Variants in LUC7L2 observed in about 807,000 individuals in gnomAD.
The protein encoded by LUC7L2 is putative RNA-binding protein Luc7-like 2.
LUC7L2 carries 25 observed loss-of-function variants against 52.8 expected under a neutral mutation model. The observed-to-expected ratio is 0.47, with a 90% CI of 0.34 to 0.66. The LOEUF (loss-of-function observed/expected upper bound fraction) is 0.66. LUC7L2 is among the 30% of genes least tolerant of loss of function. The probability of loss-of-function intolerance (pLI) is 0.01; values close to 1 mark genes in which losing one functional copy is unlikely to be tolerated. For missense variants in LUC7L2, 328 were observed against 497.8 expected (o/e 0.66, Z 3.25); for synonymous variants, 144 against 160.9 (o/e 0.89, Z 0.80).
At chr7:139,389,083 G>A (rs985997488) in intron 2 of LUC7L2, among the ~76,000 whole-genome samples, 1 of 149,152 alleles carries the variant, frequency 6.7e-6, no homozygotes, top group African/African-American at 2.5e-5. Flanking sequence ...CGGCACTCTG[G>A]TTTACCTCTG....
intron 1 of LUC7L2, among the ~76,000 whole-genome samples, chr7:139,370,302 C>G (rs1800379388): frequency 6.6e-6 from 1 of 152,004 alleles, no homozygotes; most frequent in African/African-American, 2.4e-5. Flanking sequence ...AAGCTGAATT[C>G]TAAAGGAACA....
At chr7:139,372,662 G>T (rs181757287) in intron 1 of LUC7L2, among the ~76,000 whole-genome samples, 1 of 152,002 alleles carries the variant, frequency 6.6e-6, no homozygotes, top group East Asian at 1.9e-4. Flanking sequence ...ATCCTCGGCC[G>T]GGTGCAGTGG....
intron 1 of LUC7L2, among the ~76,000 whole-genome samples, chr7:139,349,160 AAACC>A (rs1799368763): frequency 6.6e-6 from 1 of 152,260 alleles, no homozygotes; most frequent in South Asian, 2.1e-4. Context: ...TCTCGGAAAC[AAACC>A]AACAAGCAAA....
At chr7:139,341,364 C>T (rs746030576) in intron 1 of LUC7L2, 2 of 1,596,096 alleles carry the variant, frequency 1.3e-6, no homozygotes, top group South Asian at 1.1e-5. Flanking sequence ...TTGGGCACCA[C>T]GCTCGGAGAA....
intron 2 of LUC7L2, among the ~76,000 whole-genome samples, chr7:139,377,508 C>G (rs2131218492): frequency 6.6e-6 from 1 of 152,308 alleles, no homozygotes; most frequent in Non-Finnish European, 1.5e-5. Flanking sequence ...ATTCTCCTGC[C>G]TCAGCCTCCC....
Position 139,344,869 on chromosome 7 carries a change from AT to A in LUC7L2, c.-26+4369del, listed in dbSNP as rs11421635. The A allele has an allele frequency of 6.5e-3, 865 of 132,634 alleles. 1 individual carries two copies. The highest frequency in any genetic ancestry group is 8.9e-3 in the Non-Finnish European group (553 of 62,244). The allele number at this position is 132,634 out of a possible 1,614,324, so 8.2% of individuals were successfully genotyped here. ...AGGCACCCGCCACCACACCCGGCTA[AT>A]TTTTTTTTTTTTTTTTGGATTTTTA... On this transcript the variant is annotated intron_variant, in intron 1 of 10. Transcript: ENST00000541170.
At chr7:139,395,328 T>G (rs1316501367) in intron 2 of LUC7L2, among the ~76,000 whole-genome samples, 1 of 152,234 alleles carries the variant, frequency 6.6e-6, no homozygotes, top group Admixed American at 6.5e-5. Flanking sequence ...AATTGTTTAA[T>G]GAGCACCTTT....
intron 8 of LUC7L2, 111 bp downstream of exon 8, chr7:139,412,691 G>A (rs1348310075): frequency 2.3e-5 from 29 of 1,261,130 alleles, no homozygotes; most frequent in African/African-American, 3.1e-5. Flanking sequence ...GGCTGGGCAC[G>A]GTGATGCATG....
Position 139,386,554 on chromosome 7 carries a change from G to A in LUC7L2, c.156+10398G>A, listed in dbSNP as rs907603940. On this transcript the variant is annotated intron_variant, in intron 2 of 9. Transcript: ENST00000354926. ...CTAGTAGCTGGGACTACAGGCGCCT[G>A]CCACCACACCTGGCTAATTTTTTTT... Among the ~76,000 whole-genome samples, 18 of 151,356 alleles carry A rather than the reference G, an allele frequency of 1.2e-4. No individual in the cohort carries two copies. In the East Asian group the frequency reaches 3.3e-3, roughly 28 times the overall value.
At chr7:139,368,442 A>G (rs980829180) in intron 1 of LUC7L2, among the ~76,000 whole-genome samples, 1 of 152,250 alleles carries the variant, frequency 6.6e-6, no homozygotes, top group African/African-American at 2.4e-5. Flanking sequence ...TCAAATTTTA[A>G]AAAATGGATA....
intron 6 of LUC7L2, among the ~76,000 whole-genome samples, chr7:139,409,118 C>G (rs936990443): frequency 2.0e-5 from 3 of 151,712 alleles, no homozygotes; most frequent in Non-Finnish European, 4.4e-5. Flanking sequence ...GTCTGGGCAA[C>G]AGAGTAAGAC....
intron 1 of LUC7L2, among the ~76,000 whole-genome samples, chr7:139,350,732 G>A (rs1304818154): frequency 2.6e-5 from 4 of 151,026 alleles, no homozygotes; most frequent in African/African-American, 7.3e-5. Context: ...CTGGAGTGCA[G>A]TGGTGCGATC....
rs539771697 is a variant in LUC7L2 at position 139,379,549 on chromosome 7, CTTTTTTTTTTTTTTTTTTTTTT to C, written c.156+3410_156+3431del. The stretch of plus-strand genomic sequence containing the variant: ...TTTCATTATTCTAGTATAACTAATG[CTTTTTTTTTTTTTTTTTTTTTT>C]TTTTTTTTTTTTTTTTGAGACAGAT... On this transcript the variant is annotated intron_variant, in intron 2 of 9. Transcript: ENST00000354926. Among the ~76,000 whole-genome samples, 16 of 52,716 alleles carry C rather than the reference CTTTTTTTTTTTTTTTTTTTTTT, an allele frequency of 3.0e-4. No individual in the cohort carries two copies. In the East Asian group the frequency reaches 5.3e-3, roughly 17 times the overall value. The allele number at this position is 52,716 out of a possible 152,430, so 34.6% of individuals were successfully genotyped here.
intron 5 of LUC7L2, among the ~76,000 whole-genome samples, chr7:139,406,051 T>C (rs575358530): frequency 1.4e-4 from 22 of 152,182 alleles, no homozygotes; most frequent in Admixed American, 4.6e-4. Context: ...AGTCCAGCCT[T>C]CTTCTTTTTG....
rs1240169022 is a variant in LUC7L2 at position 139,422,584 on chromosome 7, G to C, written c.*244G>C. 1 of 772,104 alleles carries C rather than the reference G, an allele frequency of 1.3e-6. No individual in the cohort carries two copies. Among genetic ancestry groups the C allele is most frequent in the Non-Finnish European group, 1.8e-6 (1 of 566,128 alleles). The allele number at this position is 772,104 out of a possible 1,614,324, so 47.8% of individuals were successfully genotyped here. A position where few individuals can be genotyped will look rare whatever the true frequency, so the allele number is the denominator to read the frequency against. The stretch of plus-strand genomic sequence containing the variant: ...GTACAGTTTTATATAATAAGATGCT[G>C]ATCTCTTTATTCTTTCAAGTAAGAG... On this transcript the variant is annotated 3_prime_UTR_variant, in exon 10 of 10. Coordinates refer to ENST00000354926, the MANE Select transcript of LUC7L2 (RefSeq NM_016019.5).
chr7:139,382,589 A>G (rs1801090612), intron 2 of LUC7L2, among the ~76,000 whole-genome samples: 1 of 151,838 alleles, frequency 6.6e-6, no homozygotes, highest in Non-Finnish European at 1.5e-5. Flanking sequence ...CACTTCCACC[A>G]TGTTGTCCTG....
At chr7:139,370,173 G>A (rs75919582) in intron 1 of LUC7L2, among the ~76,000 whole-genome samples, 20,518 of 152,186 alleles carry the variant, frequency 0.13, 1,597 homozygotes, top group Middle Eastern at 0.24. Flanking sequence ...CCTATACTTT[G>A]GATGGTTTAA....
At chr7:139,376,909 G>A (rs1473071820) in intron 2 of LUC7L2, among the ~76,000 whole-genome samples, 1 of 152,166 alleles carries the variant, frequency 6.6e-6, no homozygotes, top group Admixed American at 6.5e-5. Flanking sequence ...TTTCTGACTT[G>A]CCTTTTCAGA....
At chr7:139,353,171 T>C (rs1799505695) in intron 1 of LUC7L2, among the ~76,000 whole-genome samples, 1 of 152,154 alleles carries the variant, frequency 6.6e-6, no homozygotes, top group Admixed American at 6.5e-5. Flanking sequence ...TACTTCAGCC[T>C]GGGTGACAGA....
Sources: gnomAD v4.1 joint callset for allele counts (sites outside exome capture counted in the v4.1 genomes callset) on GRCh38, gnomAD v4.1.1 for gene constraint, MANE v1.5 for transcripts, NCBI Gene and HGNC (gene_info 2026-07-23, HGNC 2026-07-21) for gene names.